Variants in ARID1B observed in about 807,000 individuals in gnomAD.
The protein encoded by ARID1B is AT-rich interaction domain 1B.
A neutral mutation model predicts 212.3 loss-of-function variants in ARID1B; 30 were observed. The observed-to-expected ratio is 0.14, with a 90% CI of 0.11 to 0.19. ARID1B has a LOEUF of 0.19. Ranked by LOEUF, ARID1B falls within the 10% of genes least tolerant of loss-of-function variation. The probability of loss-of-function intolerance (pLI) is 1.00; values close to 1 mark genes in which losing one functional copy is unlikely to be tolerated. For synonymous variants in ARID1B, 1,402 were observed against 1,301.7 expected, an observed-to-expected ratio of 1.08 and a Z score of -1.66; for missense variants, 2,891 against 3,204.0, an observed-to-expected ratio of 0.90 and a Z score of 2.36.
In ARID1B at chr6:157,148,861, G is replaced by A. The variant is rs1362066362; in HGVS notation, c.2999G>A (p.Gly1000Glu). Residue 1000 changes from glycine (G) to glutamate (E), a missense_variant, in exon 8 of 20, where the codon GGA becomes GAA. Coordinates refer to ENST00000636930, the MANE Select transcript of ARID1B (RefSeq NM_001374828.1). The surrounding 1 kb of genome is among the most constrained non-coding windows in gnomAD (Gnocchi z 5.6). ...GGCATGTCTCAGCAGGGAGGGCCAG[G>A]AATGGGGCCGCCAATGCCAACTGTG... is the stretch of plus-strand genomic sequence containing the variant. ...SPGMSQQGGP[G>E]MGPPMPTVNR... 1 of 1,612,970 alleles carries A rather than the reference G, an allele frequency of 6.2e-7. No homozygotes were observed. The highest frequency in any genetic ancestry group is 1.1e-5 in the South Asian group (1 of 91,088).
upstream of ARID1B, chr6:156,776,566 G>C (rs948958476): frequency 6.6e-6 from 1 of 152,204 alleles, no homozygotes; most frequent in Non-Finnish European, 1.5e-5. Context: ...CTGGCACCAA[G>C]AGTTAAATGT....
At chr6:156,908,750 A>AT (rs1030913116) in intron 3 of ARID1B, among the ~76,000 whole-genome samples, 69 of 150,788 alleles carry the variant, frequency 4.6e-4, no homozygotes, top group African/African-American at 1.1e-3. Context: ...TAAATTGCTT[A>AT]TTTTTTTTTG....
intron 2 of ARID1B, among the ~76,000 whole-genome samples, chr6:156,895,751 CA>C (rs1788331043): frequency 5.3e-5 from 8 of 152,160 alleles, no homozygotes; most frequent in African/African-American, 1.9e-4. Context: ...CACACACACA[CA>C]CACCCACATA....
chr6:157,172,574 C>G (rs761695084), intron 9 of ARID1B, among the ~76,000 whole-genome samples: 2 of 152,158 alleles, frequency 1.3e-5, no homozygotes, highest in Non-Finnish European at 2.9e-5. Flanking sequence ...GATGTAAACT[C>G]ATGGGCACGT....
At position 157,201,067 on chromosome 6, in the gene ARID1B, A is replaced by G; in HGVS notation, c.4842A>G (p.Pro1614=). 1 of 1,614,012 alleles carries G rather than the reference A, an allele frequency of 6.2e-7. No homozygotes were observed. Among genetic ancestry groups the G allele is most frequent in the South Asian group, 1.1e-5 (1 of 91,088 alleles). Reference sequence around the variant, plus strand: ...GCCCTACACAGGCGCCCCCTTACCCAGGCATGAACCGCACAGACGATATGA... The same window carrying G: ...GCCCTACACAGGCGCCCCCTTACCCGGGCATGAACCGCACAGACGATATGA... ...PGGPTQAPPY[P]GMNRTDDMMV... Residue 1614 remains proline, a synonymous_variant, in exon 18 of 20, where the codon CCA becomes CCG. Transcript: ENST00000636930. This position sits in a 1 kb window ranked among gnomAD's most constrained non-coding sequence, Gnocchi z 5.2.
chr6:156,861,631 A>C (rs1785340266), intron 2 of ARID1B, among the ~76,000 whole-genome samples: 1 of 152,176 alleles, frequency 6.6e-6, no homozygotes, highest in Non-Finnish European at 1.5e-5. Flanking sequence ...AAAATAAAAA[A>C]TTAATAAATA....
intron 19 of ARID1B, chr6:157,205,912 G>C (rs185393547): frequency 4.2e-6 from 2 of 472,876 alleles, no homozygotes; most frequent in East Asian, 3.7e-5. Flanking sequence ...GTAAGTTTTC[G>C]TGTAGATAGT....
chr6:156,803,802 T>C (rs1780958270), intron 1 of ARID1B, among the ~76,000 whole-genome samples: 1 of 152,106 alleles, frequency 6.6e-6, no homozygotes, highest in Non-Finnish European at 1.5e-5. Flanking sequence ...CCAATACATA[T>C]TAAAACAATT....
intron 3 of ARID1B, among the ~76,000 whole-genome samples, chr6:156,903,803 A>G (rs565300710): frequency 6.6e-6 from 1 of 152,294 alleles, no homozygotes; most frequent in Admixed American, 6.5e-5. Flanking sequence ...ACATTTCTTT[A>G]TGCAGTCTTT....
chr6:157,146,338 CAAG>C (rs1225533532), intron 7 of ARID1B, among the ~76,000 whole-genome samples: 1 of 152,158 alleles, frequency 6.6e-6, no homozygotes, highest in Non-Finnish European at 1.5e-5. Flanking sequence ...GAGAATGAAA[CAAG>C]AAAAGATGCA....
chr6:156,906,974 G>C (rs1428302770), intron 3 of ARID1B, among the ~76,000 whole-genome samples: 1 of 152,098 alleles, frequency 6.6e-6, no homozygotes, highest in Non-Finnish European at 1.5e-5. Flanking sequence ...TTAACTTTGT[G>C]TGTGTGTCCA....
chr6:156,789,903 A>C (rs1218577672), intron 1 of ARID1B, among the ~76,000 whole-genome samples: 2 of 152,204 alleles, frequency 1.3e-5, no homozygotes, highest in African/African-American at 4.8e-5. Flanking sequence ...AATGAAAAGG[A>C]CCTTTTAATA....
chr6:156,906,116 T>G (rs774303913), intron 3 of ARID1B, among the ~76,000 whole-genome samples: 30 of 152,128 alleles, frequency 2.0e-4, no homozygotes, highest in Non-Finnish European at 4.1e-4. Flanking sequence ...GGGTGTGTGT[T>G]AGATGACTCT....
At chr6:156,905,250 G>GCGCACA (rs1554265935) in intron 3 of ARID1B, among the ~76,000 whole-genome samples, 16 of 143,836 alleles carry the variant, frequency 1.1e-4, no homozygotes, top group Admixed American at 2.1e-4. Context: ...ACATATGCAC[G>GCGCACA]CACACACACA....
chr6:156,790,539 T>A (rs1779941322), intron 1 of ARID1B, among the ~76,000 whole-genome samples: 1 of 152,174 alleles, frequency 6.6e-6, no homozygotes. Context: ...GTAAAATGGA[T>A]CTTTTGCTTC....
At chr6:157,128,170 C>A (rs1384605398) in intron 6 of ARID1B, among the ~76,000 whole-genome samples, 6 of 152,130 alleles carry the variant, frequency 3.9e-5, no homozygotes, top group Admixed American at 3.9e-4. Flanking sequence ...CTTCTGTCTT[C>A]TAATTTTTTA....
chr6:156,960,687 T>TCTA (rs576181054), intron 4 of ARID1B, among the ~76,000 whole-genome samples: 220 of 152,300 alleles, frequency 1.4e-3, no homozygotes, highest in African/African-American at 5.1e-3. Context: ...AAAGGGCAGT[T>TCTA]CTAAAGTGAG....
intron 8 of ARID1B, among the ~76,000 whole-genome samples, chr6:157,157,870 A>G (rs146312023): frequency 2.0e-4 from 30 of 152,296 alleles, no homozygotes; most frequent in African/African-American, 6.3e-4. Context: ...AAAGTGAAAA[A>G]CAGTGAGCTA....
At chr6:157,127,982 A>G (rs1788258357) in intron 6 of ARID1B, among the ~76,000 whole-genome samples, 1 of 149,104 alleles carries the variant, frequency 6.7e-6, no homozygotes. Flanking sequence ...AAAAAAAGCT[A>G]CTGCTTGTTG....
Sources: gnomAD v4.1 joint callset for allele counts (sites outside exome capture counted in the v4.1 genomes callset) on GRCh38, gnomAD v4.1.1 for gene constraint, Gnocchi (gnomAD v3.1) non-coding constraint, MANE v1.5 for transcripts, NCBI Gene and HGNC (gene_info 2026-07-23, HGNC 2026-07-21) for gene names.